SOX5: variants seen among roughly 807,000 people sequenced by gnomAD.
The protein encoded by SOX5 is transcription factor SOX-5.
SOX5 carries 9 observed loss-of-function variants against 92.0 expected under a neutral mutation model. The observed-to-expected ratio is 0.10, with a 90% CI of 0.06 to 0.17. The LOEUF (loss-of-function observed/expected upper bound fraction) is 0.17. SOX5 is among the 10% of genes least tolerant of loss of function. SOX5 has a pLI of 1.00. For synonymous variants in SOX5, 344 were observed against 336.3 expected (o/e 1.02, Z -0.25); for missense variants, 642 against 944.5 (o/e 0.68, Z 4.20).
chr12:24,319,524 C>T (rs778014524), intron 2 of SOX5, among the ~76,000 whole-genome samples: 2 of 152,146 alleles, frequency 1.3e-5, no homozygotes, highest in Non-Finnish European at 2.9e-5. Context: ...TAAAAGTCAT[C>T]CTTCTTTCTG....
At chr12:23,606,138 A>G (rs1180985446) in intron 8 of SOX5, among the ~76,000 whole-genome samples, 1 of 151,940 alleles carries the variant, frequency 6.6e-6, no homozygotes, top group Non-Finnish European at 1.5e-5. Context: ...CTGCAATTTA[A>G]AAAGCACTTC....
intron 3 of SOX5, among the ~76,000 whole-genome samples, chr12:24,272,793 TTTCCACTTA>T (rs1450032449): frequency 6.6e-6 from 1 of 152,224 alleles, no homozygotes; most frequent in Admixed American, 6.5e-5. Flanking sequence ...GTTGAGGATA[TTTCCACTTA>T]TAATCACAAG....
At chr12:23,810,562 C>T (rs987779995) in intron 3 of SOX5, among the ~76,000 whole-genome samples, 1 of 152,092 alleles carries the variant, frequency 6.6e-6, no homozygotes, top group Non-Finnish European at 1.5e-5. Context: ...TCTTCTAGGG[C>T]CATTCGACAA....
chr12:24,151,659 C>G (rs1346444091), intron 4 of SOX5, among the ~76,000 whole-genome samples: 1 of 151,868 alleles, frequency 6.6e-6, no homozygotes, highest in East Asian at 1.9e-4. Flanking sequence ...GTTTGAAAGG[C>G]AACTCCTTTT....
chr12:23,723,803 T>C (rs2092963926), intron 6 of SOX5, among the ~76,000 whole-genome samples: 1 of 151,996 alleles, frequency 6.6e-6, no homozygotes, highest in Non-Finnish European at 1.5e-5. Context: ...ACCTTCTCAT[T>C]AGTTATTTTA....
intron 3 of SOX5, among the ~76,000 whole-genome samples, chr12:23,759,732 G>A (rs1413771944): frequency 1.3e-5 from 2 of 152,074 alleles, no homozygotes; most frequent in Non-Finnish European, 2.9e-5. Flanking sequence ...GTGTGAATAT[G>A]AGTAAAGTGA....
In SOX5 at chr12:24,110,713, G is replaced by A. The variant is rs573158371; in HGVS notation, c.-2+102630C>T. Reference sequence around the variant, plus strand: ...ATCCTGGCTAACATGGTGAAACTCCGTCTCTACTAAAAATAAAAATAAAAT... The same window carrying A: ...ATCCTGGCTAACATGGTGAAACTCCATCTCTACTAAAAATAAAAATAAAAT... On this transcript the variant is annotated intron_variant, in intron 4 of 4. Coordinates refer to the SOX5 transcript ENST00000446891. Among the ~76,000 whole-genome samples the A allele has an allele frequency of 9.2e-5, 14 of 151,560 alleles. No homozygotes were observed. The South Asian group carries it at 2.7e-3, about 29-fold the overall frequency.
At chr12:24,542,336 C>T (rs1318764589) in intron 1 of SOX5, among the ~76,000 whole-genome samples, 1 of 152,232 alleles carries the variant, frequency 6.6e-6, no homozygotes, top group Non-Finnish European at 1.5e-5. Context: ...CCAAATGGCT[C>T]TTCCTCATGA....
rs55913110 is a variant in SOX5 at position 24,114,573 on chromosome 12, C to CAAAAAAAAAAAAAAAA, written c.-2+98754_-2+98769dup. On this transcript the variant is annotated intron_variant, in intron 4 of 4. Transcript: ENST00000446891. The stretch of plus-strand genomic sequence containing the variant: ...CCTGGTGACAGGGCACACCCCGTCA[C>CAAAAAAAAAAAAAAAA]AAAAAAAAAAAAAAAAAAAAAAAAA... Among the ~76,000 whole-genome samples the CAAAAAAAAAAAAAAAA allele has an allele frequency of 1.4e-3, 55 of 40,590 alleles. 1 individual carries two copies. The highest frequency in any genetic ancestry group is 1.7e-3 in the African/African-American group (18 of 10,574). The allele number at this position is 40,590 out of a possible 152,430, so 26.6% of individuals were successfully genotyped here. A position where few individuals can be genotyped will look rare whatever the true frequency, so the allele number is the denominator to read the frequency against.
At chr12:24,025,832 G>A (rs1332843646) in intron 4 of SOX5, among the ~76,000 whole-genome samples, 1 of 152,046 alleles carries the variant, frequency 6.6e-6, no homozygotes, top group Non-Finnish European at 1.5e-5. Context: ...CCTCTGATAT[G>A]AATCAGAAGA....
intron 2 of SOX5, among the ~76,000 whole-genome samples, chr12:23,873,701 A>G: frequency 6.6e-6 from 1 of 152,220 alleles, no homozygotes; most frequent in Admixed American, 6.5e-5. Flanking sequence ...GCTTTAGATT[A>G]GAGCATTTTC....
intron 1 of SOX5, among the ~76,000 whole-genome samples, chr12:24,394,102 A>G (rs969493661): frequency 2.6e-5 from 4 of 152,084 alleles, no homozygotes; most frequent in East Asian, 1.9e-4. Context: ...TTCTCGTTAG[A>G]GCTCCGAAAT....
intron 2 of SOX5, among the ~76,000 whole-genome samples, chr12:24,308,403 T>G (rs1948831042): frequency 6.6e-6 from 1 of 152,226 alleles, no homozygotes; most frequent in Non-Finnish European, 1.5e-5. Context: ...TACTTTACTT[T>G]GTTTCATTCC....
At chr12:23,657,320 G>T (rs1431222314) in intron 7 of SOX5, among the ~76,000 whole-genome samples, 11 of 152,174 alleles carry the variant, frequency 7.2e-5, no homozygotes, top group Middle Eastern at 3.4e-3. Flanking sequence ...TACTATTTTG[G>T]CCTTTTACAG....
At chr12:23,990,401 G>C (rs1239879560) in intron 4 of SOX5, among the ~76,000 whole-genome samples, 2 of 152,124 alleles carry the variant, frequency 1.3e-5, no homozygotes, top group Admixed American at 1.3e-4. Context: ...CTCTAGGCAT[G>C]TTTCTCACCA....
intron 3 of SOX5, among the ~76,000 whole-genome samples, chr12:24,225,004 CT>C (rs751366293): frequency 1.3e-5 from 2 of 152,160 alleles, no homozygotes; most frequent in African/African-American, 2.4e-5. Flanking sequence ...ACTGCCGCCC[CT>C]GGGTGAAATT....
At chr12:23,683,123 T>C (rs1056563320) in intron 6 of SOX5, among the ~76,000 whole-genome samples, 1 of 151,910 alleles carries the variant, frequency 6.6e-6, no homozygotes, top group African/African-American at 2.4e-5. Context: ...AGATCTCCAA[T>C]GTGATATGCA....
chr12:23,872,164 ATTTTTTTTTTTT>A (rs71059938), intron 2 of SOX5, among the ~76,000 whole-genome samples: 3 of 61,650 alleles, frequency 4.9e-5, no homozygotes, highest in East Asian at 4.6e-4. Flanking sequence ...CGCCCGGCTA[ATTTTTTTTTTTT>A]TTTTTTTTTT....
intron 1 of SOX5, among the ~76,000 whole-genome samples, chr12:24,397,818 A>C (rs1960427959): frequency 6.6e-6 from 1 of 151,852 alleles, no homozygotes; most frequent in Non-Finnish European, 1.5e-5. Context: ...TTGCATCTTC[A>C]TAAATATTAT....
Sources: allele counts gnomAD v4.1 joint callset (sites outside exome capture counted in the v4.1 genomes callset), GRCh38; gene constraint gnomAD v4.1.1; transcripts MANE v1.5; gene names NCBI Gene and HGNC (gene_info 2026-07-23, HGNC 2026-07-21).